Variants in LRP5 observed in about 807,000 individuals in gnomAD.
LRP5 encodes LDL receptor related protein 5, also known as low-density lipoprotein receptor-related protein 5.
Under a neutral mutation model 154.1 loss-of-function variants are expected in LRP5, and 62 were observed. The ratio of observed to expected loss-of-function variants is 0.40; its 90% CI spans 0.33 to 0.50. The LOEUF is 0.50. Ranked by LOEUF, LRP5 falls within the 20% of genes least tolerant of loss-of-function variation. The pLI, the probability that LRP5 is intolerant of heterozygous loss-of-function variation, is 0.55. For missense variants in LRP5, 1,915 were observed against 2,336.7 expected, an observed-to-expected ratio of 0.82 and a Z score of 3.72; for synonymous variants, 966 against 1,011.5, an observed-to-expected ratio of 0.96 and a Z score of 0.85.
chr11:68,403,882 G>T (rs1372830729), intron 8 of LRP5, 183 bp downstream of exon 8: 11 of 657,776 alleles, frequency 1.7e-5, no homozygotes, highest in Non-Finnish European at 2.9e-5. Flanking sequence ...GCTGATTAGG[G>T]AGTGGTTATG....
rs1027714975 is a variant in LRP5, at chr11:68,353,962, C to T, written c.489-3688C>T. Among the ~76,000 whole-genome samples the T allele has an allele frequency of 3.9e-5, 6 of 152,158 alleles. No homozygotes were observed. Among genetic ancestry groups the T allele is most frequent in the African/African-American group, 7.2e-5 (3 of 41,430 alleles). On this transcript the variant is annotated intron_variant, in intron 2 of 22. Transcript: ENST00000294304. The surrounding 1 kb of genome is among the most constrained non-coding windows in gnomAD (Gnocchi z 4.5). ...CAGGGTACCCATGTGGGTGGCAGAG[C>T]GGGCTCTGGGGATGACCCTCTGGCC... is the stretch of plus-strand genomic sequence containing the variant.
At chr11:68,356,727 A>G (rs1285795913) in intron 2 of LRP5, among the ~76,000 whole-genome samples, 1 of 152,160 alleles carries the variant, frequency 6.6e-6, no homozygotes, top group Non-Finnish European at 1.5e-5. Flanking sequence ...GTCATACAGG[A>G]TAGTTCCACT....
In LRP5 at chr11:68,406,394, G is replaced by A. The variant is rs587901; in HGVS notation, c.1802-130G>A. The A allele has an allele frequency of 7.8e-5, 77 of 986,518 alleles. No homozygotes were observed. The African/African-American group carries it at 8.6e-4, about 11-fold the overall frequency. The allele number at this position is 986,518 out of a possible 1,614,324, so 61.1% of individuals were successfully genotyped here. On this transcript the variant is annotated intron_variant, in intron 8 of 22. Transcript: ENST00000294304. Reference sequence around the variant, plus strand: ...CCAGCCATGAGGTCGGACCTGACCCGGGGGTGAGTCCTGAGCTCGGCACCC... The same window carrying A: ...CCAGCCATGAGGTCGGACCTGACCCAGGGGTGAGTCCTGAGCTCGGCACCC...
At position 68,449,034 on chromosome 11, in the gene LRP5, C is replaced by T; in HGVS notation, c.4812C>T (p.Phe1604=). The part of the protein sequence containing the change: ...PATERSYFHL[F]PPPPSPCTDS... ...CCGAGAGGAGCTACTTCCATCTCTTCCCGCCCCCTCCGTCCCCCTGCACGG... is the reference window on the plus strand; with the variant it reads ...CCGAGAGGAGCTACTTCCATCTCTTTCCGCCCCCTCCGTCCCCCTGCACGG... Residue 1604 remains phenylalanine (F), a synonymous_variant, in exon 23 of 23, where the codon TTC becomes TTT. Coordinates refer to ENST00000294304, the MANE Select transcript of LRP5 (RefSeq NM_002335.4). 6.3e-7 allele frequency: 1 copy of T among 1,583,432 alleles called. No individual in the cohort carries two copies. Among genetic ancestry groups the T allele is most frequent in the South Asian group, 1.1e-5 (1 of 87,750 alleles).
At chr11:68,323,611 G>C (rs1192741902) in intron 1 of LRP5, among the ~76,000 whole-genome samples, 1 of 151,824 alleles carries the variant, frequency 6.6e-6, no homozygotes, top group African/African-American at 2.4e-5. Context: ...GTAGAAATGG[G>C]GTCCCTCCAT....
At chr11:68,425,750 A>G (rs1266492779) in intron 15 of LRP5, among the ~76,000 whole-genome samples, 1 of 151,128 alleles carries the variant, frequency 6.6e-6, no homozygotes, top group Non-Finnish European at 1.5e-5. Flanking sequence ...CCGCCGTTGG[A>G]ACTGATGGCC....
chr11:68,348,274 AG>A (rs1565335544), intron 2 of LRP5, 31 bp downstream of exon 2: 12 of 1,600,616 alleles, frequency 7.5e-6, no homozygotes, highest in Non-Finnish European at 1.0e-5. Flanking sequence ...ACCTGGGTCC[AG>A]GGGGCGGGGA....
intron 18 of LRP5, 31 bp from the exon 19 acceptor site, chr11:68,436,858 G>T: frequency 6.4e-7 from 1 of 1,566,920 alleles, no homozygotes; most frequent in Non-Finnish European, 8.8e-7. Flanking sequence ...GCACCCTCCA[G>T]CCTCTCTGAG....
chr11:68,387,937 A>G (rs1306398731), intron 6 of LRP5, among the ~76,000 whole-genome samples: 1 of 152,132 alleles, frequency 6.6e-6, no homozygotes, highest in Non-Finnish European at 1.5e-5. Context: ...TGGGCTGTGG[A>G]GCCTGTGCTC....
At chr11:68,317,810 TTC>T (rs921041971) in intron 1 of LRP5, among the ~76,000 whole-genome samples, 1 of 152,064 alleles carries the variant, frequency 6.6e-6, no homozygotes, top group East Asian at 1.9e-4. Flanking sequence ...CTGTGCCTCT[TTC>T]TCTCAGTGGC....
upstream of LRP5, among the ~76,000 whole-genome samples, chr11:68,310,196 G>T (rs77394830): frequency 0.026 from 3,896 of 152,254 alleles, 173 homozygotes; most frequent in African/African-American, 0.09. Context: ...GGTGTGGTTT[G>T]CAATTTTCAA....
chr11:68,414,080 T>C (rs1179148866), intron 12 of LRP5, 68 bp downstream of exon 12: 14 of 1,441,276 alleles, frequency 9.7e-6, no homozygotes, highest in South Asian at 1.2e-5. Flanking sequence ...GAGCTGACGC[T>C]GAAAGGAGCT....
chr11:68,371,794 T>C (rs1470222464), intron 5 of LRP5, among the ~76,000 whole-genome samples: 2 of 152,256 alleles, frequency 1.3e-5, no homozygotes, highest in African/African-American at 4.8e-5. Flanking sequence ...GGCAGAGGCC[T>C]CGTGCAGGGC....
Position 68,395,348 on chromosome 11 carries a change from G to T in LRP5, c.1584+5296G>T, listed in dbSNP as rs183905347. Among the ~76,000 whole-genome samples the T allele has an allele frequency of 3.3e-5, 5 of 149,998 alleles. No individual in the cohort carries two copies. The East Asian group carries it at 5.8e-4, about 17-fold the overall frequency. On this transcript the variant is annotated intron_variant, in intron 7 of 22. Transcript: ENST00000294304. ...AAAAGACCAACCGAGGAATTGAAGT[G>T]GGGGGGCGTCACAGTAGCAGAAGGG...
intron 3 of LRP5, among the ~76,000 whole-genome samples, chr11:68,363,218 T>C (rs1432792275): frequency 6.6e-6 from 1 of 152,190 alleles, no homozygotes; most frequent in East Asian, 1.9e-4. Flanking sequence ...CTTTCTTCCC[T>C]GGGGGAGACT....
rs893121433 is a variant in LRP5 at position 68,423,927 on chromosome 11, C to T, written c.3236+230C>T. On this transcript the variant is annotated intron_variant, in intron 14 of 22. Transcript: ENST00000294304. This position sits in a 1 kb window ranked among gnomAD's most constrained non-coding sequence, Gnocchi z 4.7. ...GGAGCTCTGCTGAGAGGTTACAAGG[C>T]AGCGCTGGCCGACGGGAGTTGCAGT... Among the ~76,000 whole-genome samples the T allele has an allele frequency of 6.6e-6, 1 of 152,226 alleles. No homozygotes were observed. The highest frequency in any genetic ancestry group is 2.4e-5 in the African/African-American group (1 of 41,462).
At position 68,423,808 on chromosome 11, in the gene LRP5, CAATGGGTGGCTTT is replaced by C; in HGVS notation, c.3236+112_3236+124del. The C allele has an allele frequency of 1.9e-6, 2 of 1,034,292 alleles. No homozygotes were observed. The highest frequency in any genetic ancestry group is 2.8e-6 in the Non-Finnish European group (2 of 709,888). 64.1% of individuals were successfully genotyped at this position (1,034,292 alleles called of 1,614,324 possible). ...GGGGAGACTTTCCACCCTGGGGATC[CAATGGGTGGCTTT>C]CCAGGGTCCCAAAAGCAAACACAGG... On this transcript the variant is annotated intron_variant, in intron 14 of 22. Transcript: ENST00000294304. This position sits in a 1 kb window ranked among gnomAD's most constrained non-coding sequence, Gnocchi z 4.7.
At chr11:68,392,795 T>G (rs183565637) in intron 7 of LRP5, among the ~76,000 whole-genome samples, 2 of 152,190 alleles carry the variant, frequency 1.3e-5, no homozygotes, top group African/African-American at 4.8e-5. Flanking sequence ...TAGCATTGTG[T>G]TTTCCAGATT....
chr11:68,412,957 A>G, intron 11 of LRP5: 1 of 176,696 alleles, frequency 5.7e-6, no homozygotes, highest in Non-Finnish European at 1.2e-5. Context: ...GCCTTGTCCC[A>G]GGTACTGCGT....
Sources: allele counts gnomAD v4.1 joint callset (sites outside exome capture counted in the v4.1 genomes callset), GRCh38; gene constraint gnomAD v4.1.1; non-coding constraint Gnocchi (gnomAD v3.1); transcripts MANE v1.5; gene names NCBI Gene and HGNC (gene_info 2026-07-23, HGNC 2026-07-21).